Variants in PNLIPRP3 observed in about 807,000 individuals in gnomAD.
The protein encoded by PNLIPRP3 is pancreatic lipase related protein 3, also known as pancreatic lipase-related protein 3.
PNLIPRP3 carries 58 observed loss-of-function variants against 52.8 expected under a neutral mutation model. That is an observed-to-expected ratio of 1.10 (90% confidence interval 0.89 to 1.37). The LOEUF (loss-of-function observed/expected upper bound fraction) is 1.37, where lower values mean the gene tolerates loss of function less well. Among genes scored for constraint, PNLIPRP3 ranks in the 40% most tolerant of loss-of-function variants. PNLIPRP3 has a pLI of 0.00. For missense variants in PNLIPRP3, 593 were observed against 561.6 expected (o/e 1.06, Z -0.57); for synonymous variants, 192 against 185.0 (o/e 1.04, Z -0.31).
chr10:116,473,931 TA>T (rs1265067362), intron 10 of PNLIPRP3, among the ~76,000 whole-genome samples: 1 of 89,660 alleles, frequency 1.1e-5, no homozygotes, highest in Non-Finnish European at 2.2e-5. Context: ...GAAACTATTT[TA>T]AAATTCATAT....
intron 1 of PNLIPRP3, among the ~76,000 whole-genome samples, chr10:116,433,351 A>G (rs144104462): frequency 5.6e-4 from 86 of 152,274 alleles, no homozygotes; most frequent in African/African-American, 2.0e-3. Context: ...GAGTTTTTAC[A>G]AATAAATAAG....
intron 4 of PNLIPRP3, 74 bp from the exon 5 acceptor site, chr10:116,455,648 T>TC (rs1846101150): frequency 5.4e-6 from 6 of 1,114,724 alleles, no homozygotes; most frequent in African/African-American, 3.2e-5. Flanking sequence ...CTTTTTTTTT[T>TC]CTATTTTTAA....
At chr10:116,439,630 G>A in intron 2 of PNLIPRP3, 1 of 763,120 alleles carries the variant, frequency 1.3e-6, no homozygotes, top group East Asian at 2.4e-5. Context: ...ATGTAAGGCT[G>A]CTTTTTCGCT....
At chr10:116,475,303 G>T (rs1003955935) in intron 10 of PNLIPRP3, among the ~76,000 whole-genome samples, 2 of 152,150 alleles carry the variant, frequency 1.3e-5, no homozygotes, top group Non-Finnish European at 2.9e-5. Flanking sequence ...GGTGGGAGGA[G>T]GGAGAGGATC....
chr10:116,470,678 T>C (rs1200509124), intron 9 of PNLIPRP3, among the ~76,000 whole-genome samples: 1 of 151,872 alleles, frequency 6.6e-6, no homozygotes, highest in African/African-American at 2.4e-5. Context: ...TAGGCTAGTT[T>C]TTTGTATTTT....
intron 4 of PNLIPRP3, among the ~76,000 whole-genome samples, chr10:116,449,671 G>T (rs1164223361): frequency 6.6e-6 from 1 of 152,114 alleles, no homozygotes; most frequent in Non-Finnish European, 1.5e-5. Flanking sequence ...TTTCAATAAT[G>T]GATAGATCAC....
At chr10:116,461,418 A>G (rs749337885) in intron 7 of PNLIPRP3, 128 bp downstream of exon 7, 2 of 1,170,648 alleles carry the variant, frequency 1.7e-6, no homozygotes, top group Admixed American at 2.6e-5. Flanking sequence ...ACAGTTGCAT[A>G]TAAGAAGCTC....
chr10:116,431,350 C>G (rs910364460), intron 1 of PNLIPRP3, among the ~76,000 whole-genome samples: 4 of 152,158 alleles, frequency 2.6e-5, no homozygotes, highest in South Asian at 2.1e-4. Flanking sequence ...CTACCAAATG[C>G]TACATGCTTT....
intron 5 of PNLIPRP3, among the ~76,000 whole-genome samples, chr10:116,458,895 T>C (rs1846152743): frequency 6.6e-6 from 1 of 152,188 alleles, no homozygotes; most frequent in Non-Finnish European, 1.5e-5. Context: ...AGTGGAGTGA[T>C]TGCATTTCCT....
chr10:116,445,564 A>AAAC (rs1359858252), intron 4 of PNLIPRP3, among the ~76,000 whole-genome samples: 1 of 151,758 alleles, frequency 6.6e-6, no homozygotes, highest in Admixed American at 6.6e-5. Context: ...TTTATAAAAA[A>AAAC]AAAAAGCCAG....
chr10:116,473,507 A>G (rs1420445463), intron 10 of PNLIPRP3, among the ~76,000 whole-genome samples: 1 of 152,082 alleles, frequency 6.6e-6, no homozygotes, highest in Non-Finnish European at 1.5e-5. Flanking sequence ...ATAAGTTGCT[A>G]AATTTCTTTT....
At chr10:116,474,694 A>G (rs1171421567) in intron 10 of PNLIPRP3, among the ~76,000 whole-genome samples, 2 of 152,204 alleles carry the variant, frequency 1.3e-5, no homozygotes, top group East Asian at 3.8e-4. Context: ...CAAGCATATG[A>G]AAAAAAGCTC....
rs756063549 is a variant in PNLIPRP3, at chr10:116,428,054, A to G, written c.42A>G (p.Thr14=). Residue 14 remains threonine, a synonymous_variant, in exon 1 of 12, where the codon ACA becomes ACG. Coordinates refer to ENST00000369230, the MANE Select transcript of PNLIPRP3 (RefSeq NM_001011709.3). ...TTGTTGCATTCTTGTTCTTTGGCAC[A>G]TCAAGAGGTAAGATTCATAATTTAT... ...IWIVAFLFFG[T]SRGKEVCYER... 1 of 1,604,782 alleles carries G rather than the reference A, an allele frequency of 6.2e-7. No individual in the cohort carries two copies. Among genetic ancestry groups the G allele is most frequent in the Non-Finnish European group, 8.5e-7 (1 of 1,172,656 alleles).
intron 1 of PNLIPRP3, among the ~76,000 whole-genome samples, chr10:116,435,299 A>T (rs893754738): frequency 6.6e-6 from 1 of 152,180 alleles, no homozygotes; most frequent in African/African-American, 2.4e-5. Context: ...AGACCTTGGA[A>T]GCTGGAAGGG....
intron 4 of PNLIPRP3, among the ~76,000 whole-genome samples, chr10:116,454,871 A>G (rs993855305): frequency 2.0e-5 from 3 of 152,282 alleles, no homozygotes; most frequent in African/African-American, 7.2e-5. Flanking sequence ...CTTCTTCAGC[A>G]TAATGATTTT....
intron 1 of PNLIPRP3, among the ~76,000 whole-genome samples, chr10:116,433,146 A>AAAAAAC (rs1845730843): frequency 7.0e-6 from 1 of 143,490 alleles, no homozygotes; most frequent in Non-Finnish European, 1.5e-5. Context: ...AAAAAAAAAA[A>AAAAAAC]GTCTTGGAGT....
At chr10:116,472,780 C>T (rs934088761) in intron 10 of PNLIPRP3, among the ~76,000 whole-genome samples, 2 of 152,206 alleles carry the variant, frequency 1.3e-5, no homozygotes, top group Admixed American at 1.3e-4. Flanking sequence ...TGACTTTATT[C>T]CACCTTCAGT....
At position 116,439,513 on chromosome 10, in the gene PNLIPRP3, C is replaced by CT. The variant is rs201814657; in HGVS notation, c.204+2654dup. 2.2e-3 allele frequency: 1,718 copies of CT among 784,510 alleles called. 11 individuals are homozygous for CT. Among genetic ancestry groups the CT allele is most frequent in the African/African-American group, 0.021 (1,233 of 58,700 alleles). 48.6% of individuals were successfully genotyped at this position (784,510 alleles called of 1,614,324 possible). A position where few individuals can be genotyped will look rare whatever the true frequency, so the allele number is the denominator to read the frequency against. On this transcript the variant is annotated intron_variant, in intron 2 of 11. Transcript: ENST00000369230. ...CCGTCTTCTTCATCCTCCTCTTCCA[C>CT]TTTTTTCCGGGCAACTTTAGCAGGA...
At chr10:116,443,797 GTGTGCATATATATATATATATATATATA>G (rs1162593362) in intron 3 of PNLIPRP3, among the ~76,000 whole-genome samples, 12 of 120,130 alleles carry the variant, frequency 1.0e-4, no homozygotes, top group Non-Finnish European at 1.6e-4. Context: ...ATGTATGTGT[GTGTGCATATATATATATATATATATATA>G]TATATATATA....
Sources: allele counts gnomAD v4.1 joint callset (sites outside exome capture counted in the v4.1 genomes callset), GRCh38; gene constraint gnomAD v4.1.1; transcripts MANE v1.5; gene names NCBI Gene and HGNC (gene_info 2026-07-23, HGNC 2026-07-21).